Variants in HK1 observed in about 807,000 individuals in gnomAD.
HK1 encodes the protein hexokinase-1.
Under a neutral mutation model 91.6 loss-of-function variants are expected in HK1, and 28 were observed. The ratio of observed to expected loss-of-function variants is 0.31; its 90% CI spans 0.23 to 0.42. HK1 has a LOEUF of 0.42. Ranked by LOEUF, HK1 falls within the 10% of genes least tolerant of loss-of-function variation. HK1 has a pLI of 1.00. For synonymous variants in HK1, 430 were observed against 468.1 expected, an observed-to-expected ratio of 0.92 and a Z score of 1.05; for missense variants, 770 against 1,219.8, an observed-to-expected ratio of 0.63 and a Z score of 5.49.
intron 5 of HK1, among the ~76,000 whole-genome samples, chr10:69,303,412 A>G (rs949516940): frequency 6.7e-6 from 1 of 148,434 alleles, no homozygotes; most frequent in African/African-American, 2.5e-5. Flanking sequence ...GAGAATTGCA[A>G]TAGAGAAAGA....
chr10:69,356,439 A>G (rs998931663), intron 2 of HK1, among the ~76,000 whole-genome samples: 10 of 152,148 alleles, frequency 6.6e-5, no homozygotes, highest in Non-Finnish European at 1.5e-4. Flanking sequence ...CTCAAACACA[A>G]CAACAACAAA....
At chr10:69,333,074 T>C (rs867295861) in intron 1 of HK1, among the ~76,000 whole-genome samples, 1 of 152,152 alleles carries the variant, frequency 6.6e-6, no homozygotes, top group Non-Finnish European at 1.5e-5. Flanking sequence ...GGAGCTCCTG[T>C]GTATGGTATG....
At chr10:69,368,720 G>T in intron 5 of HK1, 89 bp downstream of exon 5, 1 of 1,014,066 alleles carries the variant, frequency 9.9e-7, no homozygotes, top group Non-Finnish European at 1.5e-6. Flanking sequence ...CTTCCTGGGG[G>T]GCAGTAGTGC....
intron 12 of HK1, among the ~76,000 whole-genome samples, chr10:69,385,939 C>G (rs905334661): frequency 1.1e-4 from 17 of 152,212 alleles, no homozygotes; most frequent in African/African-American, 4.1e-4. Flanking sequence ...TATTACTAAA[C>G]TCTTAGGATC....
chr10:69,320,253 T>A (rs1214416492), intron 1 of HK1, among the ~76,000 whole-genome samples: 4 of 152,074 alleles, frequency 2.6e-5, no homozygotes, highest in Non-Finnish European at 5.9e-5. Context: ...AGGGTCCTCC[T>A]GGAGGTCAGC....
chr10:69,300,543 C>A, intron 4 of HK1: 1 of 703,574 alleles, frequency 1.4e-6, no homozygotes, highest in Non-Finnish European at 2.5e-6. Context: ...CAGATGGAAG[C>A]AGATTATTCT....
chr10:69,350,037 G>A (rs552856296), intron 2 of HK1, among the ~76,000 whole-genome samples: 8 of 152,100 alleles, frequency 5.3e-5, no homozygotes, highest in South Asian at 2.1e-4. Flanking sequence ...TGGCAGGGAC[G>A]GCCCCTGCAG....
rs12257925 is a variant in HK1, at chr10:69,349,062, G to C, written c.226+5073G>C. ...CAGCTTCAGTGGAAATGAGAAATGTGAGGAAAGGTCACAGGCAGGAGGCCC... is the reference window on the plus strand; with the variant it reads ...CAGCTTCAGTGGAAATGAGAAATGTCAGGAAAGGTCACAGGCAGGAGGCCC... On this transcript the variant is annotated intron_variant, in intron 2 of 17. Transcript: ENST00000359426. Among the ~76,000 whole-genome samples the C allele has an allele frequency of 8.8e-3, 1,339 of 152,352 alleles. 17 individuals are homozygous for C. Among genetic ancestry groups the C allele is most frequent in the African/African-American group, 0.031 (1,272 of 41,580 alleles).
At chr10:69,356,882 C>CAA (rs778360296) in intron 2 of HK1, among the ~76,000 whole-genome samples, 3,524 of 61,158 alleles carry the variant, frequency 0.058, 131 homozygotes, top group African/African-American at 0.087. Context: ...AACTCCATCT[C>CAA]AAAAAAAAAA....
At chr10:69,287,306 C>T (rs1381208537) in intron 2 of HK1, among the ~76,000 whole-genome samples, 1 of 152,026 alleles carries the variant, frequency 6.6e-6, no homozygotes, top group Admixed American at 6.6e-5. Flanking sequence ...ATAAAACCAT[C>T]AGATCTCATG....
At chr10:69,296,072 G>A (rs1445782952) in intron 4 of HK1, 3 of 270,518 alleles carry the variant, frequency 1.1e-5, no homozygotes, top group Non-Finnish European at 2.1e-5. Flanking sequence ...CAGAAACTTG[G>A]CACCCATCTG....
At chr10:69,310,027 G>T (rs1846291777) in intron 5 of HK1, among the ~76,000 whole-genome samples, 1 of 148,902 alleles carries the variant, frequency 6.7e-6, no homozygotes, top group African/African-American at 2.5e-5. Context: ...TCCAGCCTAG[G>T]CAACAAGAGC....
chr10:69,280,171 G>A (rs1844665757), intron 1 of HK1, among the ~76,000 whole-genome samples: 1 of 152,106 alleles, frequency 6.6e-6, no homozygotes, highest in Non-Finnish European at 1.5e-5. Flanking sequence ...ACCCAGGCTG[G>A]AGAGATCTCG....
At chr10:69,322,944 G>A (rs10998715) in intron 1 of HK1, among the ~76,000 whole-genome samples, 3,125 of 148,142 alleles carry the variant, frequency 0.021, 61 homozygotes, top group Middle Eastern at 0.08. Flanking sequence ...AGAGGTGATA[G>A]TTAGAAAATT....
intron 1 of HK1, among the ~76,000 whole-genome samples, chr10:69,279,544 T>C (rs1036120117): frequency 7.2e-5 from 11 of 152,192 alleles, no homozygotes; most frequent in African/African-American, 2.7e-4. Context: ...AATGAACATA[T>C]GTAGATCGAA....
intron 4 of HK1, among the ~76,000 whole-genome samples, chr10:69,368,154 G>T (rs1395069239): frequency 1.3e-5 from 2 of 152,234 alleles, no homozygotes; most frequent in Non-Finnish European, 1.5e-5. Context: ...GGAAGCCGGG[G>T]TCTGGTTGGG....
At chr10:69,294,741 A>T (rs1845470683) in intron 3 of HK1, among the ~76,000 whole-genome samples, 2 of 152,146 alleles carry the variant, frequency 1.3e-5, no homozygotes, top group Admixed American at 1.3e-4. Flanking sequence ...GGATGCCTGT[A>T]ATCCCAACTA....
chr10:69,367,130 G>A (rs1444173169), intron 4 of HK1, among the ~76,000 whole-genome samples: 1 of 152,210 alleles, frequency 6.6e-6, no homozygotes, highest in Non-Finnish European at 1.5e-5. Context: ...GCAGGGTGGA[G>A]CAGACATGCC....
upstream of HK1, chr10:69,318,094 C>T (rs1350165740): frequency 7.1e-6 from 7 of 985,330 alleles, no homozygotes; most frequent in Non-Finnish European, 1.2e-6. Context: ...AGGGAGTGCG[C>T]CCTGAGGGAG....
Sources: gnomAD v4.1 joint callset for allele counts (sites outside exome capture counted in the v4.1 genomes callset) on GRCh38, gnomAD v4.1.1 for gene constraint, MANE v1.5 for transcripts, NCBI Gene and HGNC (gene_info 2026-07-23, HGNC 2026-07-21) for gene names.